Variants in ICA1L observed in about 807,000 individuals in gnomAD.
ICA1L encodes the protein islet cell autoantigen 1-like protein.
A neutral mutation model predicts 61.3 loss-of-function variants in ICA1L; 50 were observed. The observed-to-expected ratio is 0.82, with a 90% CI of 0.65 to 1.03. The LOEUF is 1.03. Ranked by LOEUF, ICA1L falls within the 50% of genes least tolerant of loss-of-function variation. The pLI, the probability that ICA1L is intolerant of heterozygous loss-of-function variation, is 0.00. For synonymous variants in ICA1L, 161 were observed against 191.3 expected, an observed-to-expected ratio of 0.84 and a Z score of 1.31; for missense variants, 508 against 556.7, an observed-to-expected ratio of 0.91 and a Z score of 0.88.
chr2:202,863,373 C>T (rs1050245635), intron 1 of ICA1L, among the ~76,000 whole-genome samples: 1 of 151,490 alleles, frequency 6.6e-6, no homozygotes, highest in Non-Finnish European at 1.5e-5. Context: ...CAAATTAAAC[C>T]CCAAGTAGAA....
At chr2:202,864,879 T>G (rs1687444564) in intron 1 of ICA1L, among the ~76,000 whole-genome samples, 1 of 151,790 alleles carries the variant, frequency 6.6e-6, no homozygotes, top group South Asian at 2.1e-4. Flanking sequence ...ATTAGCCAGG[T>G]GTGGCTGGGC....
chr2:202,810,580 T>C (rs376222525), intron 9 of ICA1L, among the ~76,000 whole-genome samples: 3 of 152,302 alleles, frequency 2.0e-5, no homozygotes, highest in African/African-American at 7.2e-5. Flanking sequence ...CATGTGTGTT[T>C]GAACAATATG....
chr2:202,819,306 A>G (rs1693631568), intron 5 of ICA1L, among the ~76,000 whole-genome samples: 1 of 152,246 alleles, frequency 6.6e-6, no homozygotes, highest in South Asian at 2.1e-4. Context: ...TTGTGACAGA[A>G]TAAAAATTTT....
chr2:202,855,498 T>C (rs1214198113), intron 1 of ICA1L, among the ~76,000 whole-genome samples: 1 of 152,146 alleles, frequency 6.6e-6, no homozygotes, highest in Admixed American at 6.5e-5. Flanking sequence ...CAGAGAATAC[T>C]ATAAACACCT....
chr2:202,846,014 C>T (rs1574374931), intron 1 of ICA1L, among the ~76,000 whole-genome samples: 1 of 152,094 alleles, frequency 6.6e-6, no homozygotes, highest in Non-Finnish European at 1.5e-5. Context: ...CTCAGAGTGA[C>T]GGTTTATAAA....
intron 9 of ICA1L, among the ~76,000 whole-genome samples, chr2:202,810,841 G>T (rs891330246): frequency 4.6e-5 from 7 of 152,170 alleles, no homozygotes; most frequent in Non-Finnish European, 7.3e-5. Context: ...GGTCATAGCT[G>T]TGGGATGAAA....
chr2:202,828,367 A>G (rs1327112394), intron 2 of ICA1L, among the ~76,000 whole-genome samples: 4 of 152,086 alleles, frequency 2.6e-5, no homozygotes, highest in Non-Finnish European at 5.9e-5. Flanking sequence ...GTTTCATGGC[A>G]ATTATTTAAA....
chr2:202,838,766 G>T (rs1317108815), intron 1 of ICA1L, among the ~76,000 whole-genome samples: 6 of 152,176 alleles, frequency 3.9e-5, no homozygotes, highest in Admixed American at 2.6e-4. Context: ...AATAAAAGAG[G>T]TTTAATTGGC....
chr2:202,788,522 C>T (rs577704326), intron 11 of ICA1L, among the ~76,000 whole-genome samples: 1 of 152,190 alleles, frequency 6.6e-6, no homozygotes, highest in East Asian at 1.9e-4. Context: ...ATGGAAGAAA[C>T]AGTATTGACT....
At chr2:202,796,803 C>T in intron 10 of ICA1L, 87 bp downstream of exon 10, 2 of 741,610 alleles carry the variant, frequency 2.7e-6, no homozygotes, top group South Asian at 2.0e-5. Context: ...GAGACCCAGA[C>T]AGTTTCTAAT....
intron 10 of ICA1L, among the ~76,000 whole-genome samples, chr2:202,795,800 T>C (rs905287742): frequency 3.3e-5 from 5 of 152,204 alleles, no homozygotes; most frequent in Admixed American, 6.5e-5. Context: ...CCTGGCACTT[T>C]GGGAGGCTGA....
intron 1 of ICA1L, among the ~76,000 whole-genome samples, chr2:202,847,525 A>G (rs2105877519): frequency 6.6e-6 from 1 of 152,058 alleles, no homozygotes; most frequent in Middle Eastern, 3.4e-3. Flanking sequence ...TCTCTCTTTT[A>G]GTTTCCTCAT....
intron 1 of ICA1L, among the ~76,000 whole-genome samples, chr2:202,848,878 C>T (rs1234903068): frequency 1.3e-5 from 2 of 152,238 alleles, no homozygotes; most frequent in Middle Eastern, 3.4e-3. Context: ...CTCTGGTCTG[C>T]AGCTCCCAGG....
At chr2:202,839,580 G>A (rs1182846766) in intron 1 of ICA1L, among the ~76,000 whole-genome samples, 2 of 67,482 alleles carry the variant, frequency 3.0e-5, no homozygotes, top group East Asian at 6.4e-4. Flanking sequence ...GTGTGTGTGT[G>A]TGTGTGTGTG....
At chr2:202,817,342 C>T in intron 6 of ICA1L, 76 bp downstream of exon 6, 1 of 1,343,900 alleles carries the variant, frequency 7.4e-7, no homozygotes, top group Non-Finnish European at 1.0e-6. Flanking sequence ...ATTTTTACAC[C>T]CTTTAGACAA....
chr2:202,865,164 T>TA (rs964588601), intron 1 of ICA1L, among the ~76,000 whole-genome samples: 219 of 138,922 alleles, frequency 1.6e-3, no homozygotes, highest in African/African-American at 4.5e-3. Context: ...CTCTGTCTTT[T>TA]AAAAAAAAAA....
At chr2:202,836,808 T>TATATAG (rs1694162265) in intron 1 of ICA1L, among the ~76,000 whole-genome samples, 14 of 59,858 alleles carry the variant, frequency 2.3e-4, no homozygotes, top group East Asian at 1.2e-3. Flanking sequence ...TATATATAGA[T>TATATAG]ATATATAGAT....
At chr2:202,796,997 CAAG>C (rs1437176553) in intron 9 of ICA1L, 33 bp from the exon 10 acceptor site, 7 of 1,452,406 alleles carry the variant, frequency 4.8e-6, no homozygotes, top group Non-Finnish European at 5.7e-6. Flanking sequence ...AGAAGTTGAA[CAAG>C]AAGAAATTCA....
At chr2:202,839,662 T>C (rs182619993) in intron 1 of ICA1L, among the ~76,000 whole-genome samples, 7 of 151,226 alleles carry the variant, frequency 4.6e-5, no homozygotes, top group African/African-American at 1.7e-4. Context: ...TGCCTTTTGG[T>C]TGAAGAATTT....
Sources: allele counts gnomAD v4.1 joint callset (sites outside exome capture counted in the v4.1 genomes callset), GRCh38; gene constraint gnomAD v4.1.1; transcripts MANE v1.5; gene names NCBI Gene and HGNC (gene_info 2026-07-23, HGNC 2026-07-21).